Variants in CD99 observed in about 807,000 individuals in gnomAD.
CD99 encodes CD99 molecule (Xg blood group), also known as CD99 antigen.
In CD99, 19 loss-of-function variants were observed where a neutral mutation model predicts 28.4. The observed-to-expected ratio is 0.67, with a 90% CI of 0.47 to 0.98. CD99 has a LOEUF of 0.98. Among genes scored for constraint, CD99 ranks in the 50% least tolerant of loss-of-function variants. The probability of loss-of-function intolerance (pLI) is 0.00; values close to 1 mark genes in which losing one functional copy is unlikely to be tolerated. For synonymous variants in CD99, 103 were observed against 92.1 expected (o/e 1.12, Z -0.67); for missense variants, 283 against 248.8 (o/e 1.14, Z -0.92).
chrX:2,725,684 G>A (rs2049242403), intron 7 of CD99, among the ~76,000 whole-genome samples: 1 of 152,124 alleles, frequency 6.6e-6, no homozygotes, highest in Admixed American at 6.6e-5. Flanking sequence ...CACAATCTCG[G>A]CTCACTGCAA....
chrX:2,716,711 CGGA>C, intron 2 of CD99, among the ~76,000 whole-genome samples: 1 of 152,148 alleles, frequency 6.6e-6, no homozygotes, highest in African/African-American at 2.4e-5. Flanking sequence ...ATGGTTTGAG[CGGA>C]AACAGTGCTG....
intron 1 of CD99, among the ~76,000 whole-genome samples, chrX:2,708,974 C>T (rs1411021865): frequency 6.6e-6 from 1 of 152,108 alleles, no homozygotes; most frequent in Admixed American, 6.5e-5. Context: ...GCCAGAGCAT[C>T]GTCACTGTGG....
intron 1 of CD99, among the ~76,000 whole-genome samples, chrX:2,712,228 G>A (rs1367154258): frequency 1.3e-5 from 2 of 152,048 alleles, no homozygotes; most frequent in African/African-American, 4.8e-5. Flanking sequence ...TGGGAGTGAG[G>A]GGTGGGGGAA....
Position 2,729,964 on chromosome X carries a change from G to A in CD99, c.475+3591G>A, listed in dbSNP as rs749529530. ...GCCCAGGAGTTCAAGATCAGCCTGG[G>A]CAACATAGTGAAACCTCATCTCTAC... On this transcript the variant is annotated intron_variant, in intron 8 of 9. Coordinates refer to ENST00000381192, the MANE Select transcript of CD99 (RefSeq NM_002414.5). 7.9e-5 allele frequency among the ~76,000 whole-genome samples: 12 copies of A among 152,196 alleles called. No individual in the cohort carries two copies. The East Asian group carries it at 1.9e-3, about 25-fold the overall frequency.
At chrX:2,694,614 G>A (rs764153191) in intron 1 of CD99, among the ~76,000 whole-genome samples, 3 of 152,202 alleles carry the variant, frequency 2.0e-5, no homozygotes, top group East Asian at 3.9e-4. Flanking sequence ...TTAGCCGGGC[G>A]TGGTGGTGAG....
chrX:2,694,710 G>A (rs2047491978), intron 1 of CD99, among the ~76,000 whole-genome samples: 1 of 151,840 alleles, frequency 6.6e-6, no homozygotes, highest in African/African-American at 2.4e-5. Context: ...CTGAGATCGT[G>A]TCACCGCATT....
chrX:2,699,601 C>T (rs1007106403), intron 1 of CD99, among the ~76,000 whole-genome samples: 6 of 151,874 alleles, frequency 4.0e-5, no homozygotes, highest in African/African-American at 7.3e-5. Context: ...CTCCCTCAGG[C>T]GTGAGCTGGC....
intron 3 of CD99, 131 bp from the exon 4 acceptor site, chrX:2,719,530 C>T (rs1603280587): frequency 1.3e-6 from 1 of 754,700 alleles, no homozygotes; most frequent in Admixed American, 2.1e-5. Flanking sequence ...TAATGAGATC[C>T]TGGTCAAGCT....
chrX:2,715,866 C>G (rs1044999963), intron 2 of CD99, among the ~76,000 whole-genome samples: 1 of 152,078 alleles, frequency 6.6e-6, no homozygotes, highest in Admixed American at 6.5e-5. Flanking sequence ...TATAAGGGCA[C>G]CAGTCATTAG....
chrX:2,714,883 AGAC>A, intron 2 of CD99: 4 of 159,550 alleles, frequency 2.5e-5, no homozygotes. Flanking sequence ...TATAAAAACT[AGAC>A]TCATAGATGA....
intron 8 of CD99, among the ~76,000 whole-genome samples, chrX:2,728,558 A>G (rs527827218): frequency 1.8e-4 from 27 of 152,274 alleles, no homozygotes; most frequent in African/African-American, 6.0e-4. Context: ...ACCACATTCA[A>G]GGAGATGCCT....
chrX:2,695,548 A>T (rs1332934860), intron 1 of CD99, among the ~76,000 whole-genome samples: 1 of 151,950 alleles, frequency 6.6e-6, no homozygotes, highest in East Asian at 1.9e-4. Context: ...AGTAGCTGGG[A>T]CTACAAGCAC....
intron 3 of CD99, among the ~76,000 whole-genome samples, chrX:2,718,525 C>T (rs1428322269): frequency 6.6e-6 from 1 of 152,126 alleles, no homozygotes; most frequent in South Asian, 2.1e-4. Context: ...GCGGCCACCA[C>T]GCCCAGCTAA....
chrX:2,691,669 C>A (rs767882693), intron 1 of CD99: 3 of 704,294 alleles, frequency 4.3e-6, no homozygotes, highest in Non-Finnish European at 7.8e-6. Context: ...GTTGCAAACT[C>A]TTACATGTGG....
At chrX:2,704,159 C>G (rs1054316790) in intron 1 of CD99, among the ~76,000 whole-genome samples, 2 of 152,180 alleles carry the variant, frequency 1.3e-5, no homozygotes, top group Non-Finnish European at 2.9e-5. Context: ...GTGCTCAGCC[C>G]AGCCCAAACA....
intron 1 of CD99, among the ~76,000 whole-genome samples, chrX:2,711,851 C>T (rs2048424117): frequency 3.9e-5 from 6 of 151,988 alleles, no homozygotes; most frequent in Admixed American, 3.3e-4. Flanking sequence ...ACCAGCCTGG[C>T]CAACATGGTG....
At chrX:2,739,857 C>T (rs2050116258) in intron 9 of CD99, among the ~76,000 whole-genome samples, 1 of 148,906 alleles carries the variant, frequency 6.7e-6, no homozygotes, top group Non-Finnish European at 1.5e-5. Flanking sequence ...GGGCGGATCA[C>T]CTGAGGTTGG....
At chrX:2,692,232 A>C in intron 1 of CD99, 1 of 369,972 alleles carries the variant, frequency 2.7e-6, no homozygotes, top group Non-Finnish European at 4.9e-6. Flanking sequence ...GTATGTTATA[A>C]ATTCTTTTTT....
At chrX:2,701,917 C>T (rs979123777) in intron 1 of CD99, among the ~76,000 whole-genome samples, 3 of 152,324 alleles carry the variant, frequency 2.0e-5, no homozygotes, top group African/African-American at 7.2e-5. Context: ...TAACAGGTCC[C>T]TGCCTGCAGA....
Sources: gnomAD v4.1 joint callset for allele counts (sites outside exome capture counted in the v4.1 genomes callset) on GRCh38, gnomAD v4.1.1 for gene constraint, MANE v1.5 for transcripts, NCBI Gene and HGNC (gene_info 2026-07-23, HGNC 2026-07-21) for gene names.